ZFHX3: variants seen among roughly 807,000 people sequenced by gnomAD.
ZFHX3 encodes the protein zinc finger homeobox 3.
ZFHX3 carries 42 observed loss-of-function variants against 279.1 expected under a neutral mutation model. That is an observed-to-expected ratio of 0.15 (90% confidence interval 0.12 to 0.19). The LOEUF is 0.19. Among genes scored for constraint, ZFHX3 ranks in the 10% least tolerant of loss-of-function variants. ZFHX3 has a pLI of 1.00. For missense variants in ZFHX3, 4,981 were observed against 4,754.0 expected (o/e 1.05, Z -1.40); for synonymous variants, 2,293 against 1,957.8 (o/e 1.17, Z -4.52).
At position 72,863,728 on chromosome 16, in the gene ZFHX3, T is replaced by C. The variant is rs1325876431; in HGVS notation, c.3448+26003A>G. ...CTGGTTCATACTCTACTTGTGGATA[T>C]GTTTGAAATTATCCAACTCAGGAAC... On this transcript the variant is annotated intron_variant, in intron 4 of 9. Transcript: ENST00000268489. 3.3e-5 allele frequency among the ~76,000 whole-genome samples: 5 copies of C among 152,176 alleles called. No individual in the cohort carries two copies. The East Asian group carries it at 9.7e-4, about 29-fold the overall frequency.
chr16:73,163,488 C>T (rs992777451), intron 5 of ZFHX3, among the ~76,000 whole-genome samples: 1 of 152,226 alleles, frequency 6.6e-6, no homozygotes, highest in Non-Finnish European at 1.5e-5. Context: ...CTCTATGATG[C>T]TTCTGTGCTA....
chr16:72,965,710 T>C (rs1425461633), intron 1 of ZFHX3, among the ~76,000 whole-genome samples: 1 of 151,572 alleles, frequency 6.6e-6, no homozygotes, highest in African/African-American at 2.4e-5. Context: ...TGTGTGTGCA[T>C]CGTTTTGGAG....
intron 1 of ZFHX3, among the ~76,000 whole-genome samples, chr16:73,707,324 T>G (rs779577638): frequency 9.2e-5 from 14 of 152,100 alleles, no homozygotes; most frequent in Admixed American, 2.6e-4. Flanking sequence ...ATAGACTACA[T>G]AGTTCAAGTC....
intron 3 of ZFHX3, among the ~76,000 whole-genome samples, chr16:73,411,205 C>T (rs969182427): frequency 6.6e-5 from 10 of 152,188 alleles, no homozygotes; most frequent in African/African-American, 2.2e-4. Context: ...TGTGAATTTC[C>T]GACTTTAGAA....
intron 4 of ZFHX3, among the ~76,000 whole-genome samples, chr16:72,838,042 C>G (rs1167225523): frequency 1.3e-5 from 2 of 152,212 alleles, no homozygotes; most frequent in Non-Finnish European, 2.9e-5. Context: ...TGGTGGAGAG[C>G]TGCCAGCTTC....
chr16:73,850,162 T>C (rs1258024148), intron 1 of ZFHX3, among the ~76,000 whole-genome samples: 1 of 152,334 alleles, frequency 6.6e-6, no homozygotes, highest in South Asian at 2.1e-4. Flanking sequence ...TGGTGATAAA[T>C]AACAAAAGAG....
At chr16:73,168,232 T>TTTCTTTCTTTCTTTCC (rs1491129481) in intron 5 of ZFHX3, among the ~76,000 whole-genome samples, 1 of 140,628 alleles carries the variant, frequency 7.1e-6, no homozygotes, top group African/African-American at 2.7e-5. Flanking sequence ...TCTTTCTTTC[T>TTTCTTTCTTTCTTTCC]TTCTTTCTTT....
intron 1 of ZFHX3, among the ~76,000 whole-genome samples, chr16:73,002,439 G>C (rs981186821): frequency 2.0e-5 from 3 of 152,130 alleles, no homozygotes; most frequent in Middle Eastern, 3.4e-3. Flanking sequence ...TACCAGAATC[G>C]ACATATCACA....
intron 1 of ZFHX3, among the ~76,000 whole-genome samples, chr16:72,963,484 T>A (rs768777084): frequency 1.3e-5 from 2 of 152,220 alleles, no homozygotes; most frequent in Non-Finnish European, 2.9e-5. Flanking sequence ...CACTTAAATC[T>A]GCCATCTGAA....
chr16:73,891,059 A>C (rs898266605), intron 1 of ZFHX3, among the ~76,000 whole-genome samples: 1 of 129,422 alleles, frequency 7.7e-6, no homozygotes, highest in Non-Finnish European at 1.6e-5. Flanking sequence ...AGAAGTGATC[A>C]CATTTAATTC....
intron 4 of ZFHX3, among the ~76,000 whole-genome samples, chr16:72,870,729 A>G (rs2038140229): frequency 6.6e-6 from 1 of 151,732 alleles, no homozygotes; most frequent in Admixed American, 6.5e-5. Context: ...AAAAAAAAAA[A>G]AAAAAAAGAA....
chr16:73,150,132 C>T (rs994386468), intron 5 of ZFHX3, among the ~76,000 whole-genome samples: 1 of 152,184 alleles, frequency 6.6e-6, no homozygotes, highest in Non-Finnish European at 1.5e-5. Context: ...ACAGACACAA[C>T]CGCAGATGCT....
chr16:73,465,333 T>A lies in ZFHX3; in HGVS notation c.-1546-9075A>T, dbSNP rs565953256. 3.9e-5 allele frequency among the ~76,000 whole-genome samples: 6 copies of A among 152,292 alleles called. No homozygotes were observed. In the East Asian group the frequency reaches 9.6e-4, roughly 24 times the overall value. The stretch of plus-strand genomic sequence containing the variant: ...TAAGCCAAGTCTTCAGGGCGTGTAT[T>A]TTCCTTCTCATGGCTGAGGAATAGA... On this transcript the variant is annotated intron_variant, in intron 2 of 17. Coordinates refer to the ZFHX3 transcript ENST00000641206.
chr16:73,522,257 G>T (rs989382709), intron 2 of ZFHX3, among the ~76,000 whole-genome samples: 2 of 152,128 alleles, frequency 1.3e-5, no homozygotes, highest in Non-Finnish European at 2.9e-5. Flanking sequence ...AACCATGGCT[G>T]GAAAAAGCAA....
At chr16:73,026,230 G>C (rs1964495166) in intron 1 of ZFHX3, among the ~76,000 whole-genome samples, 1 of 144,646 alleles carries the variant, frequency 6.9e-6, no homozygotes, top group African/African-American at 2.5e-5. Context: ...AAAGCCAGGT[G>C]TGGTGGCAGG....
At chr16:73,542,085 C>T (rs1260661322) in intron 2 of ZFHX3, among the ~76,000 whole-genome samples, 1 of 151,996 alleles carries the variant, frequency 6.6e-6, no homozygotes, top group Non-Finnish European at 1.5e-5. Flanking sequence ...CAGGCTCGAG[C>T]AACCGCGCCC....
chr16:73,221,831 AT>A (rs1290302772), intron 5 of ZFHX3, among the ~76,000 whole-genome samples: 1 of 152,212 alleles, frequency 6.6e-6, no homozygotes, highest in East Asian at 1.9e-4. Flanking sequence ...TCTTAAAAAA[AT>A]AAAAATGAAA....
At chr16:73,600,592 T>G (rs939998364) in intron 2 of ZFHX3, among the ~76,000 whole-genome samples, 4 of 152,010 alleles carry the variant, frequency 2.6e-5, no homozygotes, top group African/African-American at 9.7e-5. Context: ...CAATGTTTTT[T>G]TGTATTTTTA....
chr16:73,797,380 A>G (rs1451724738), intron 1 of ZFHX3, among the ~76,000 whole-genome samples: 1 of 152,356 alleles, frequency 6.6e-6, no homozygotes, highest in Non-Finnish European at 1.5e-5. Context: ...CTGTAGGGCC[A>G]GAGCCCTCAT....
Sources: gnomAD v4.1 joint callset for allele counts (sites outside exome capture counted in the v4.1 genomes callset) on GRCh38, gnomAD v4.1.1 for gene constraint, MANE v1.5 for transcripts, NCBI Gene and HGNC (gene_info 2026-07-23, HGNC 2026-07-21) for gene names.